Variants in CATIP observed in about 807,000 individuals in gnomAD.
The protein encoded by CATIP is ciliogenesis-associated TTC17-interacting protein.
A neutral mutation model predicts 42.5 loss-of-function variants in CATIP; 40 were observed. That is an observed-to-expected ratio of 0.94 (90% CI 0.73 to 1.22). The LOEUF (loss-of-function observed/expected upper bound fraction) is 1.22, where lower values mean the gene tolerates loss of function less well. Ranked by LOEUF, CATIP falls within the 50% of genes most tolerant of loss-of-function variation. The probability of loss-of-function intolerance (pLI) is 0.00; values close to 1 mark genes in which losing one functional copy is unlikely to be tolerated. For missense variants in CATIP, 489 were observed against 496.0 expected (o/e 0.99, Z 0.13); for synonymous variants, 222 against 200.2 (o/e 1.11, Z -0.92).
chr2:218,362,735 G>T lies in CATIP; in HGVS notation c.463G>T (p.Glu155Ter). The T allele has an allele frequency of 6.2e-7, 1 of 1,613,884 alleles. No homozygotes were observed. The highest frequency in any genetic ancestry group is 2.2e-5 in the East Asian group (1 of 44,876). ...AVTRSIKEGE[E>*]VKTGVTSFPW... is the part of the protein sequence containing the mutation. Reference sequence around the variant, plus strand: ...CCTGACCCAGATCAGTTCTGAACAGGAAGTGAAGACTGGAGTGACTTCTTT... The same window carrying T: ...CCTGACCCAGATCAGTTCTGAACAGTAAGTGAAGACTGGAGTGACTTCTTT... The change falls in exon 6 of 10, where the codon GAA (glutamate) becomes TAA (stop). Residue 155 changes from glutamate (E) to a stop codon, truncating the protein, a stop_gained and splice_region_variant. Transcript: ENST00000289388. LOFTEE classifies it high-confidence loss of function.
chr2:218,360,515 G>A (rs554370610), intron 4 of CATIP, 58 bp from the exon 5 acceptor site: 9 of 1,332,064 alleles, frequency 6.8e-6, no homozygotes, highest in South Asian at 5.9e-5. Context: ...GAAGGGTCAG[G>A]TGACCTCTGG....
At chr2:218,364,258 CAGGTCTG>C (rs1332468925) in intron 6 of CATIP, among the ~76,000 whole-genome samples, 3 of 152,194 alleles carry the variant, frequency 2.0e-5, no homozygotes, top group African/African-American at 7.2e-5. Context: ...AGCAACAGCA[CAGGTCTG>C]AGGTGGCCAC....
Position 218,367,036 on chromosome 2 carries a change from G to A in CATIP, c.768G>A (p.Lys256=). The change falls in exon 8 of 10, where the codon AAG becomes AAA. Residue 256 remains lysine (K), a synonymous_variant. Coordinates refer to ENST00000289388, the MANE Select transcript of CATIP (RefSeq NM_198559.2). ...YYLLSDGHLA[K]RIQVGSPGCC... is the part of the protein sequence containing the mutation. ...TGTTGCACTCCAGGCACCTGGCCAA[G>A]AGAATACAGGTGGGCTCCCCAGGGT... is the stretch of plus-strand genomic sequence containing the variant. 1 of 1,613,858 alleles carries A rather than the reference G, an allele frequency of 6.2e-7. No individual in the cohort carries two copies.
At chr2:218,361,145 A>G (rs868394142) in intron 5 of CATIP, among the ~76,000 whole-genome samples, 1 of 152,080 alleles carries the variant, frequency 6.6e-6, no homozygotes, top group African/African-American at 2.4e-5. Flanking sequence ...GCTTGGTTTT[A>G]TACATTTTAA....
At position 218,363,441 on chromosome 2, in the gene CATIP, G is replaced by A. The variant is rs564030521; in HGVS notation, c.630+539G>A. Reference sequence around the variant, plus strand: ...GCAGAGCTTGCAGTGAGCCGAGATCGCGCCACTGCACTCCCGCCTGGGTGA... The same window carrying A: ...GCAGAGCTTGCAGTGAGCCGAGATCACGCCACTGCACTCCCGCCTGGGTGA... On this transcript the variant is annotated intron_variant, in intron 6 of 9. Transcript: ENST00000289388. 1.7e-4 allele frequency among the ~76,000 whole-genome samples: 25 copies of A among 150,132 alleles called. No individual in the cohort carries two copies. In the East Asian group the frequency reaches 4.1e-3, roughly 25 times the overall value.
At position 218,367,489 on chromosome 2, in the gene CATIP, G is replaced by C; in HGVS notation, c.892G>C (p.Glu298Gln). Residue 298 changes from glutamate to glutamine, a missense_variant, in exon 9 of 10, where the codon GAG (glutamate) becomes CAG (glutamine). Physicochemically the swap from Glu to Gln is conservative, Grantham distance 29. Transcript: ENST00000289388. ...GCCCCTGGTATGGGAGGAGGATATG[G>C]AGCTCTATTCGAAGTTCCTGGACCG... is the stretch of plus-strand genomic sequence containing the variant. ...KKPLVWEEDM[E>Q]LYSKFLDRKE... 1.2e-6 allele frequency: 2 copies of C among 1,614,186 alleles called. No homozygotes were observed. The highest frequency in any genetic ancestry group is 1.7e-6 in the Non-Finnish European group (2 of 1,180,040).
Position 218,368,060 on chromosome 2 carries a change from T to G in CATIP, c.*96T>G. On this transcript the variant is annotated 3_prime_UTR_variant, in exon 10 of 10. Transcript: ENST00000289388. Reference sequence around the variant, plus strand: ...GGGTGCGCTTTCCGGGCTGCGGTTTTGGGGGAATAAATGGGGCCCTCCCGC... The same window carrying G: ...GGGTGCGCTTTCCGGGCTGCGGTTTGGGGGGAATAAATGGGGCCCTCCCGC... 1.4e-6 allele frequency: 2 copies of G among 1,387,874 alleles called. No individual in the cohort carries two copies. The highest frequency in any genetic ancestry group is 1.9e-6 in the Non-Finnish European group (2 of 1,061,752). 86.0% of individuals were successfully genotyped at this position (1,387,874 alleles called of 1,614,324 possible).
intron 1 of CATIP, 84 bp from the exon 2 acceptor site, chr2:218,357,011 C>T (rs1163458874): frequency 1.9e-6 from 3 of 1,575,164 alleles, no homozygotes; most frequent in Admixed American, 1.7e-5. Context: ...GTGCTGGGGC[C>T]AGGACTGAGG....
chr2:218,367,174 A>AG, intron 8 of CATIP, 74 bp downstream of exon 8: 2 of 1,167,366 alleles, frequency 1.7e-6, no homozygotes, highest in South Asian at 1.3e-5. Context: ...TCCAGGATGC[A>AG]GGGGGCTGGA....
intron 4 of CATIP, among the ~76,000 whole-genome samples, chr2:218,358,940 C>G (rs1201213290): frequency 6.6e-6 from 1 of 151,526 alleles, no homozygotes; most frequent in Non-Finnish European, 1.5e-5. Context: ...CACGGTGGCT[C>G]ACGCCTGTAA....
At chr2:218,358,825 A>G (rs145289210) in intron 4 of CATIP, among the ~76,000 whole-genome samples, 26 of 148,930 alleles carry the variant, frequency 1.7e-4, no homozygotes, top group African/African-American at 6.2e-4. Context: ...TCAAGACTGC[A>G]GTGAGCAATG....
At chr2:218,365,105 A>C (rs1000864296) in intron 7 of CATIP, among the ~76,000 whole-genome samples, 2 of 152,130 alleles carry the variant, frequency 1.3e-5, no homozygotes, top group Admixed American at 6.6e-5. Flanking sequence ...CCAGCAAAGC[A>C]CTGGCTCCAA....
chr2:218,361,083 A>G lies in CATIP; in HGVS notation c.462+424A>G, dbSNP rs576480031. ...CGACCTCAGGTGATCCGCCCGCCTC[A>G]GCCTCCCAAAGTGCTGGGATTACAG... On this transcript the variant is annotated intron_variant, in intron 5 of 9. Transcript: ENST00000289388. 3.3e-5 allele frequency among the ~76,000 whole-genome samples: 5 copies of G among 152,088 alleles called. No individual in the cohort carries two copies. The East Asian group carries it at 5.8e-4, about 18-fold the overall frequency.
intron 3 of CATIP, 121 bp from the exon 4 acceptor site, chr2:218,357,915 CA>C (rs1162628006): frequency 2.8e-6 from 3 of 1,086,902 alleles, no homozygotes; most frequent in Non-Finnish European, 4.3e-6. Flanking sequence ...ACATCTTACC[CA>C]TCCTGTAGTT....
chr2:218,367,497 T>G lies in CATIP; in HGVS notation c.900T>G (p.Tyr300Ter). 1 of 1,614,126 alleles carries G rather than the reference T, an allele frequency of 6.2e-7. No individual in the cohort carries two copies. The highest frequency in any genetic ancestry group is 8.5e-7 in the Non-Finnish European group (1 of 1,180,000). Residue 300 changes from tyrosine to a stop codon, truncating the protein, a stop_gained, in exon 9 of 10, where the codon TAT becomes TAG. Transcript: ENST00000289388. LOFTEE classifies it low-confidence loss of function (END_TRUNC). ...PLVWEEDMEL[Y>*]SKFLDRKEEL... ...TATGGGAGGAGGATATGGAGCTCTA[T>G]TCGAAGTTCCTGGACCGGAAGGTGA...
chr2:218,357,289 C>CTCTCTCTCTT, intron 2 of CATIP, 102 bp downstream of exon 2: 1 of 864,278 alleles, frequency 1.2e-6, no homozygotes, highest in Admixed American at 2.6e-5. Flanking sequence ...CTCTCTCTCT[C>CTCTCTCTCTT]TTCCTTGATT....
chr2:218,367,316 G>A (rs566281201), intron 8 of CATIP, 114 bp from the exon 9 acceptor site: 5 of 1,031,690 alleles, frequency 4.8e-6, no homozygotes, highest in East Asian at 2.4e-5. Context: ...GCCCATGTGG[G>A]CAGAATCCTG....
At chr2:218,362,500 A>ATGG (rs1347413862) in intron 5 of CATIP, among the ~76,000 whole-genome samples, 2 of 151,950 alleles carry the variant, frequency 1.3e-5, no homozygotes, top group African/African-American at 4.8e-5. Flanking sequence ...TTAGCCAGGC[A>ATGG]TGGTAGCCTG....
At chr2:218,357,377 T>C (rs1260269296) in intron 2 of CATIP, 157 bp from the exon 3 acceptor site, 2 of 724,228 alleles carry the variant, frequency 2.8e-6, no homozygotes, top group Non-Finnish European at 4.5e-6. Flanking sequence ...CATGGGGACA[T>C]GGGGCAGGAG....
Sources: allele counts gnomAD v4.1 joint callset (sites outside exome capture counted in the v4.1 genomes callset), GRCh38; gene constraint gnomAD v4.1.1; transcripts MANE v1.5; gene names NCBI Gene and HGNC (gene_info 2026-07-23, HGNC 2026-07-21).